SYNPR: variants seen among roughly 807,000 people sequenced by gnomAD.
SYNPR encodes the protein synaptoporin.
SYNPR carries 23 observed loss-of-function variants against 32.9 expected under a neutral mutation model. The ratio of observed to expected loss-of-function variants is 0.70; its 90% CI spans 0.50 to 0.99. The LOEUF is 0.99. Ranked by LOEUF, SYNPR falls within the 50% of genes least tolerant of loss-of-function variation. The pLI, the probability that SYNPR is intolerant of heterozygous loss-of-function variation, is 0.00. For synonymous variants in SYNPR, 146 were observed against 135.9 expected (o/e 1.07, Z -0.52); for missense variants, 318 against 349.3 (o/e 0.91, Z 0.71).
At chr3:63,550,276 C>A (rs1290361645) in intron 3 of SYNPR, among the ~76,000 whole-genome samples, 1 of 150,662 alleles carries the variant, frequency 6.6e-6, no homozygotes, top group Non-Finnish European at 1.5e-5. Flanking sequence ...ATGCCTTTTG[C>A]TTATAAGAAC....
intron 4 of SYNPR, among the ~76,000 whole-genome samples, chr3:63,564,428 C>T (rs1246436211): frequency 6.6e-6 from 1 of 151,824 alleles, no homozygotes; most frequent in African/African-American, 2.4e-5. Flanking sequence ...AACTCCTGAC[C>T]TTGCGATCCA....
chr3:63,452,963 C>A (rs1348232251), intron 2 of SYNPR, among the ~76,000 whole-genome samples: 1 of 152,076 alleles, frequency 6.6e-6, no homozygotes, highest in African/African-American at 2.4e-5. Flanking sequence ...AGTGTCGAAT[C>A]CTTAACCTTT....
chr3:63,448,305 T>C (rs1354536659), intron 2 of SYNPR, among the ~76,000 whole-genome samples: 1 of 152,202 alleles, frequency 6.6e-6, no homozygotes, highest in Non-Finnish European at 1.5e-5. Flanking sequence ...TTCCCAACCT[T>C]ACACAATCTT....
At chr3:63,325,997 T>C (rs2087162371) in intron 2 of SYNPR, among the ~76,000 whole-genome samples, 1 of 152,064 alleles carries the variant, frequency 6.6e-6, no homozygotes, top group South Asian at 2.1e-4. Context: ...ATTGTCATTT[T>C]TATTCATTGG....
intron 2 of SYNPR, among the ~76,000 whole-genome samples, chr3:63,398,725 GA>G (rs10708164): frequency 0.45 from 65,040 of 144,202 alleles, 14,117 homozygotes; most frequent in Middle Eastern, 0.55. Flanking sequence ...TCTCAAAAAA[GA>G]AAAAAAAAAA....
chr3:63,304,881 A>G (rs1001633772), intron 2 of SYNPR, among the ~76,000 whole-genome samples: 2 of 151,948 alleles, frequency 1.3e-5, no homozygotes, highest in African/African-American at 4.8e-5. Context: ...AACCTAAAAG[A>G]TTTTCTACAA....
intron 3 of SYNPR, among the ~76,000 whole-genome samples, chr3:63,555,593 A>G (rs987634922): frequency 6.6e-6 from 1 of 152,176 alleles, no homozygotes; most frequent in Non-Finnish European, 1.5e-5. Context: ...CCAGTAATTT[A>G]TTGAGCCTGG....
At chr3:63,262,132 T>C (rs947110740) in intron 2 of SYNPR, among the ~76,000 whole-genome samples, 5 of 150,888 alleles carry the variant, frequency 3.3e-5, no homozygotes, top group African/African-American at 1.2e-4. Context: ...TTTACAAGGA[T>C]GGTTACTCAA....
At chr3:63,350,875 T>C (rs2087498433) in intron 2 of SYNPR, among the ~76,000 whole-genome samples, 1 of 152,194 alleles carries the variant, frequency 6.6e-6, no homozygotes, top group Non-Finnish European at 1.5e-5. Context: ...CATCAGTTAG[T>C]GACTTCTCGA....
chr3:63,567,634 A>T (rs918418285), intron 4 of SYNPR, among the ~76,000 whole-genome samples: 7 of 152,196 alleles, frequency 4.6e-5, no homozygotes, highest in Non-Finnish European at 8.8e-5. Flanking sequence ...CCCTTTCCGC[A>T]GGGGGACATC....
chr3:63,311,892 G>A (rs1025643356), intron 2 of SYNPR, among the ~76,000 whole-genome samples: 2 of 151,878 alleles, frequency 1.3e-5, no homozygotes, highest in Non-Finnish European at 2.9e-5. Flanking sequence ...ACCTTGAGTA[G>A]GAATTAGGAG....
intron 4 of SYNPR, among the ~76,000 whole-genome samples, chr3:63,562,676 G>A (rs563166523): frequency 7.9e-5 from 12 of 152,298 alleles, no homozygotes; most frequent in Non-Finnish European, 2.9e-5. Context: ...CTATTCTACA[G>A]ATTCAATTTA....
chr3:63,211,167 C>T, the SYNPR span, among the ~76,000 whole-genome samples: 1 of 152,158 alleles, frequency 6.6e-6, no homozygotes, highest in African/African-American at 2.4e-5. Context: ...CTCCTGGGTT[C>T]AAGCAGTTCC....
At chr3:63,349,343 G>A (rs1044231880) in intron 2 of SYNPR, among the ~76,000 whole-genome samples, 3 of 152,062 alleles carry the variant, frequency 2.0e-5, no homozygotes, top group Non-Finnish European at 4.4e-5. Context: ...CTTGTGATCC[G>A]CCCACCTCGG....
In SYNPR at chr3:63,588,393, C is replaced by T. The variant is rs529515683; in HGVS notation, c.409-20732C>T. Among the ~76,000 whole-genome samples, 50 of 152,138 alleles carry T rather than the reference C, an allele frequency of 3.3e-4. 2 individuals are homozygous for T. In the South Asian group the frequency reaches 0.01, roughly 31 times the overall value. ...CTCCAGATGTTTCATCTATATGCTG[C>T]CTGACATCTGGTGTTTTCCAGCTAT... On this transcript the variant is annotated intron_variant, in intron 4 of 5. Coordinates refer to ENST00000478300, the MANE Select transcript of SYNPR (RefSeq NM_001130003.2).
intron 2 of SYNPR, among the ~76,000 whole-genome samples, chr3:63,302,537 C>G (rs961156832): frequency 1.3e-5 from 2 of 152,020 alleles, no homozygotes; most frequent in Non-Finnish European, 2.9e-5. Flanking sequence ...TCTTCTATCT[C>G]ACTTTAATTC....
chr3:63,342,226 A>G (rs1005201938), intron 2 of SYNPR, among the ~76,000 whole-genome samples: 14 of 152,308 alleles, frequency 9.2e-5, no homozygotes, highest in African/African-American at 3.4e-4. Context: ...CTGTTTGCCT[A>G]GTCTTTCTCC....
chr3:63,535,446 A>C, intron 3 of SYNPR, among the ~76,000 whole-genome samples: 1 of 152,148 alleles, frequency 6.6e-6, no homozygotes, highest in Non-Finnish European at 1.5e-5. Flanking sequence ...AGAAGAAAAA[A>C]GAACTGATTA....
intron 2 of SYNPR, among the ~76,000 whole-genome samples, chr3:63,360,787 G>A (rs2087647117): frequency 6.6e-6 from 1 of 152,096 alleles, no homozygotes; most frequent in Non-Finnish European, 1.5e-5. Flanking sequence ...GAGCATTACT[G>A]ACTGCACTAC....
Sources: gnomAD v4.1 joint callset for allele counts (sites outside exome capture counted in the v4.1 genomes callset) on GRCh38, gnomAD v4.1.1 for gene constraint, MANE v1.5 for transcripts, NCBI Gene and HGNC (gene_info 2026-07-23, HGNC 2026-07-21) for gene names.